PHACTR1: variants seen among roughly 807,000 people sequenced by gnomAD.
The protein encoded by PHACTR1 is phosphatase and actin regulator 1.
PHACTR1 carries 16 observed loss-of-function variants against 69.2 expected under a neutral mutation model. That is an observed-to-expected ratio of 0.23 (90% confidence interval 0.16 to 0.35). PHACTR1 has a LOEUF of 0.35. Ranked by LOEUF, PHACTR1 falls within the 10% of genes least tolerant of loss-of-function variation. The probability of loss-of-function intolerance (pLI) is 1.00; values close to 1 mark genes in which losing one functional copy is unlikely to be tolerated. For synonymous variants in PHACTR1, 312 were observed against 284.5 expected (o/e 1.10, Z -0.97); for missense variants, 510 against 734.7 (o/e 0.69, Z 3.54).
At chr6:12,807,585 T>C (rs1774490682) in intron 4 of PHACTR1, among the ~76,000 whole-genome samples, 1 of 152,180 alleles carries the variant, frequency 6.6e-6, no homozygotes, top group African/African-American at 2.4e-5. Flanking sequence ...CAGCAGACTG[T>C]TTTGTTTAGA....
At chr6:13,116,512 G>A (rs1031943453) in intron 5 of PHACTR1, among the ~76,000 whole-genome samples, 1 of 152,174 alleles carries the variant, frequency 6.6e-6, no homozygotes, top group Non-Finnish European at 1.5e-5. Context: ...TATTTTAGAA[G>A]ACATAACAGT....
intron 4 of PHACTR1, among the ~76,000 whole-genome samples, chr6:12,981,283 T>C (rs1470356945): frequency 2.0e-5 from 3 of 152,240 alleles, no homozygotes; most frequent in East Asian, 3.8e-4. Flanking sequence ...CTAAAGACAG[T>C]AGCATAAAAA....
At chr6:12,807,671 A>G (rs1249134012) in intron 4 of PHACTR1, among the ~76,000 whole-genome samples, 1 of 152,234 alleles carries the variant, frequency 6.6e-6, no homozygotes, top group Non-Finnish European at 1.5e-5. Flanking sequence ...AGTCTGCCCA[A>G]TGAACCCATC....
chr6:12,918,389 A>G (rs1171836308), intron 4 of PHACTR1, among the ~76,000 whole-genome samples: 3 of 152,226 alleles, frequency 2.0e-5, no homozygotes, highest in African/African-American at 7.2e-5. Context: ...ACATATCCGT[A>G]TACTTCAAAT....
chr6:12,934,002 A>G (rs985000378), intron 4 of PHACTR1: 2 of 1,492,898 alleles, frequency 1.3e-6, no homozygotes, highest in African/African-American at 1.4e-5. Context: ...GACATAAAAC[A>G]ATATCAATTT....
At chr6:13,098,976 T>A (rs1313682832) in intron 5 of PHACTR1, among the ~76,000 whole-genome samples, 8 of 152,202 alleles carry the variant, frequency 5.3e-5, no homozygotes, top group Non-Finnish European at 7.3e-5. Flanking sequence ...TATCATTTCC[T>A]CTTTAATACA....
rs1480652556 is a variant in PHACTR1, at chr6:12,779,821, T to C, written c.250+30031T>C. The stretch of plus-strand genomic sequence containing the variant: ...TACTTACATTCTCATTTGCTTACTA[T>C]ATATATATATGTAGCTTAATTTAAG... On this transcript the variant is annotated intron_variant, in intron 4 of 14. Coordinates refer to ENST00000332995, the MANE Select transcript of PHACTR1 (RefSeq NM_030948.6). 2.0e-5 allele frequency among the ~76,000 whole-genome samples: 3 copies of C among 152,112 alleles called. No individual in the cohort carries two copies. The East Asian group carries it at 5.8e-4, about 29-fold the overall frequency.
In PHACTR1 at chr6:13,246,830, C is replaced by G. The variant is rs1373412459; in HGVS notation, c.1391+16637C>G. On this transcript the variant is annotated intron_variant, in intron 10 of 14. Transcript: ENST00000332995. The surrounding 1 kb of genome is among the most constrained non-coding windows in gnomAD (Gnocchi z 4.2). ...TGTATCTTTGTTTACTGGCAAAACA[C>G]CTCGAATCTCATGCAAAATGCTAAT... Among the ~76,000 whole-genome samples the G allele has an allele frequency of 6.6e-6, 1 of 152,160 alleles. No individual in the cohort carries two copies. Among genetic ancestry groups the G allele is most frequent in the Non-Finnish European group, 1.5e-5 (1 of 68,036 alleles).
chr6:13,110,932 T>A (rs76865116), intron 5 of PHACTR1, among the ~76,000 whole-genome samples: 1 of 152,124 alleles, frequency 6.6e-6, no homozygotes, highest in African/African-American at 2.4e-5. Context: ...TTTTTTGTTT[T>A]TTTTCCTTTT....
At chr6:13,102,526 A>G (rs1371931202) in intron 5 of PHACTR1, among the ~76,000 whole-genome samples, 5 of 152,230 alleles carry the variant, frequency 3.3e-5, no homozygotes, top group Admixed American at 1.3e-4. Context: ...TAGCCAGTCC[A>G]TTCACAGCAA....
chr6:13,147,410 A>G lies in PHACTR1; in HGVS notation c.416-12794A>G, dbSNP rs375098092. ...TTGCTTCTGACTTGTCACTTTAAAC[A>G]TGGTCTTCAAGGATAGTCAATCCTA... On this transcript the variant is annotated intron_variant, in intron 5 of 14. Transcript: ENST00000332995. Among the ~76,000 whole-genome samples, 116 of 152,278 alleles carry G rather than the reference A, an allele frequency of 7.6e-4. 3 individuals are homozygous for G. The South Asian group carries it at 0.023, about 30-fold the overall frequency.
chr6:13,271,942 A>G (rs1158201391), intron 10 of PHACTR1, among the ~76,000 whole-genome samples: 1 of 152,228 alleles, frequency 6.6e-6, no homozygotes, highest in Non-Finnish European at 1.5e-5. Flanking sequence ...TTAGATCCCA[A>G]TAGAGGAGTC....
At chr6:13,029,675 G>A (rs963744535) in intron 4 of PHACTR1, among the ~76,000 whole-genome samples, 3 of 152,196 alleles carry the variant, frequency 2.0e-5, no homozygotes, top group Admixed American at 6.5e-5. Context: ...TTCAACAGGT[G>A]TTGGCAAACT....
chr6:12,959,630 A>G (rs1792428606), intron 4 of PHACTR1, among the ~76,000 whole-genome samples: 1 of 152,200 alleles, frequency 6.6e-6, no homozygotes. Flanking sequence ...CTGGATTTCC[A>G]TCTGTTGAAA....
chr6:13,229,941 C>T (rs917229161), intron 9 of PHACTR1, 96 bp from the exon 10 acceptor site: 13 of 1,388,416 alleles, frequency 9.4e-6, no homozygotes, highest in Admixed American at 5.5e-5. Flanking sequence ...ACCTTGATGA[C>T]TTCCTTCCTG....
intron 4 of PHACTR1, among the ~76,000 whole-genome samples, chr6:12,798,449 A>G (rs1773334275): frequency 1.3e-5 from 2 of 152,136 alleles, no homozygotes; most frequent in African/African-American, 4.8e-5. Flanking sequence ...TAATGACTCA[A>G]AAAGGTAGTG....
chr6:13,237,733 T>A (rs1355511318), intron 10 of PHACTR1, among the ~76,000 whole-genome samples: 1 of 152,218 alleles, frequency 6.6e-6, no homozygotes, highest in Non-Finnish European at 1.5e-5. Flanking sequence ...TGTGTGGCCA[T>A]CATGAAGTGT....
chr6:12,896,184 G>C (rs1350016294), intron 4 of PHACTR1, among the ~76,000 whole-genome samples: 1 of 152,206 alleles, frequency 6.6e-6, no homozygotes, highest in Non-Finnish European at 1.5e-5. Context: ...TAGCCCTTGT[G>C]TACGTAAAGA....
chr6:12,719,345 A>G (rs1334703589), intron 3 of PHACTR1, among the ~76,000 whole-genome samples: 1 of 152,216 alleles, frequency 6.6e-6, no homozygotes, highest in Admixed American at 6.5e-5. Context: ...TCAGGGAGCA[A>G]GCCTCTTGGG....
Sources: gnomAD v4.1 joint callset for allele counts (sites outside exome capture counted in the v4.1 genomes callset) on GRCh38, gnomAD v4.1.1 for gene constraint, Gnocchi (gnomAD v3.1) non-coding constraint, MANE v1.5 for transcripts, NCBI Gene and HGNC (gene_info 2026-07-23, HGNC 2026-07-21) for gene names.